Variants in NRXN1 observed in about 807,000 individuals in gnomAD.
NRXN1 encodes the protein neurexin-1.
Under a neutral mutation model 150.9 loss-of-function variants are expected in NRXN1, and 39 were observed. The ratio of observed to expected loss-of-function variants is 0.26; its 90% confidence interval spans 0.20 to 0.34. The LOEUF (loss-of-function observed/expected upper bound fraction) is 0.34. Ranked by LOEUF, NRXN1 falls within the 10% of genes least tolerant of loss-of-function variation. The pLI is 1.00. For synonymous variants in NRXN1, 924 were observed against 757.0 expected, an observed-to-expected ratio of 1.22 and a Z score of -3.62; for missense variants, 1,815 against 1,949.9, an observed-to-expected ratio of 0.93 and a Z score of 1.30.
chr2:50,648,549 G>T (rs2104536695), intron 5 of NRXN1, among the ~76,000 whole-genome samples: 1 of 152,058 alleles, frequency 6.6e-6, no homozygotes, highest in East Asian at 2.0e-4. Flanking sequence ...GACAGAAGTG[G>T]TCAGGACCTC....
At chr2:49,981,922 A>C (rs1427163388) in intron 21 of NRXN1, among the ~76,000 whole-genome samples, 1 of 152,130 alleles carries the variant, frequency 6.6e-6, no homozygotes, top group Admixed American at 6.5e-5. Flanking sequence ...AAAAATGCAA[A>C]GTGTCTGGAC....
intron 17 of NRXN1, among the ~76,000 whole-genome samples, chr2:50,389,292 T>G (rs2081532704): frequency 6.7e-6 from 1 of 149,106 alleles, no homozygotes; most frequent in African/African-American, 2.5e-5. Flanking sequence ...GTATCTAGTA[T>G]CAGTCTTCTT....
chr2:50,801,342 T>G (rs1707560253), intron 5 of NRXN1, among the ~76,000 whole-genome samples: 1 of 152,176 alleles, frequency 6.6e-6, no homozygotes, highest in South Asian at 2.1e-4. Flanking sequence ...CCATAATTTA[T>G]ATCTGATGAT....
intron 2 of NRXN1, among the ~76,000 whole-genome samples, chr2:50,951,823 C>T (rs1456525000): frequency 6.6e-6 from 1 of 150,888 alleles, no homozygotes; most frequent in East Asian, 1.9e-4. Context: ...TTCATATTAC[C>T]ATTATGGAAT....
chr2:50,747,765 T>TTA (rs2105312360), intron 5 of NRXN1, among the ~76,000 whole-genome samples: 1 of 152,256 alleles, frequency 6.6e-6, no homozygotes, highest in East Asian at 1.9e-4. Flanking sequence ...TCTAATTATT[T>TTA]TACACATATT....
chr2:50,153,544 G>A (rs1574202901), intron 18 of NRXN1, among the ~76,000 whole-genome samples: 1 of 151,694 alleles, frequency 6.6e-6, no homozygotes, highest in Non-Finnish European at 1.5e-5. Flanking sequence ...GGCTGTCTTT[G>A]AGCCAGGGAT....
chr2:50,322,641 T>G (rs999008707), intron 17 of NRXN1, among the ~76,000 whole-genome samples: 2 of 152,204 alleles, frequency 1.3e-5, no homozygotes, highest in Non-Finnish European at 2.9e-5. Context: ...ATTCCTTGCC[T>G]TCACCAAGAT....
intron 15 of NRXN1, among the ~76,000 whole-genome samples, chr2:50,479,355 G>C (rs1399933337): frequency 6.6e-6 from 1 of 152,038 alleles, no homozygotes; most frequent in Non-Finnish European, 1.5e-5. Flanking sequence ...CAACTTGGGG[G>C]ACTCAACTCA....
intron 8 of NRXN1, among the ~76,000 whole-genome samples, chr2:50,555,533 G>C (rs1011284356): frequency 6.6e-6 from 1 of 152,220 alleles, no homozygotes; most frequent in Middle Eastern, 3.4e-3. Context: ...ATCTCCACCA[G>C]AATCAATGCT....
intron 21 of NRXN1, among the ~76,000 whole-genome samples, chr2:50,003,991 T>A (rs928731934): frequency 6.6e-6 from 1 of 152,080 alleles, no homozygotes; most frequent in Admixed American, 6.6e-5. Context: ...TTCAAACACA[T>A]TGAAATAAGT....
chr2:50,494,023 G>A (rs1181090635), intron 15 of NRXN1, among the ~76,000 whole-genome samples: 1 of 152,118 alleles, frequency 6.6e-6, no homozygotes, highest in Non-Finnish European at 1.5e-5. Flanking sequence ...ACTTAGGTGT[G>A]TAAGTACCCC....
chr2:51,027,678 C>G lies in NRXN1; in HGVS notation c.596G>C (p.Ser199Thr). 6.2e-7 allele frequency: 1 copy of G among 1,604,218 alleles called. No individual in the cohort carries two copies. Residue 199 changes from serine to threonine, a missense_variant, in exon 2 of 23, where the codon AGC becomes ACC. By Grantham distance (58) the Ser-to-Thr change is moderately conservative. Around this residue, in one of 6 missense-constraint regions of NRXN1, gnomAD observed 554 missense variants for 478.8 expected, o/e 1.16. Coordinates refer to ENST00000401669, the MANE Select transcript of NRXN1 (RefSeq NM_001330078.2). Reference protein sequence around the residue: ...VNSSQVLPVDSGEVKLDDEPP... With the variant: ...VNSSQVLPVDTGEVKLDDEPP... ...CTCATCGTCCAGCTTCACCTCGCCG[C>G]TGTCCACGGGCAGGACCTGCGAGGA... is the stretch of plus-strand genomic sequence containing the variant.
intron 17 of NRXN1, among the ~76,000 whole-genome samples, chr2:50,369,609 T>A (rs1247845109): frequency 6.6e-6 from 1 of 152,044 alleles, no homozygotes; most frequent in Non-Finnish European, 1.5e-5. Flanking sequence ...TTTGTGATGT[T>A]CTTTTTGATT....
chr2:50,168,574 G>T (rs2059826089), intron 18 of NRXN1, among the ~76,000 whole-genome samples: 1 of 152,252 alleles, frequency 6.6e-6, no homozygotes, highest in East Asian at 1.9e-4. Context: ...ATTTTCTTTT[G>T]TTGATAACGA....
intron 2 of NRXN1, among the ~76,000 whole-genome samples, chr2:50,976,938 G>A (rs900746729): frequency 6.6e-6 from 1 of 152,090 alleles, no homozygotes; most frequent in African/African-American, 2.4e-5. Context: ...ATCATCAAAG[G>A]TCAAAGATGC....
chr2:50,969,161 GACGCA>G (rs1694600120), intron 2 of NRXN1, among the ~76,000 whole-genome samples: 1 of 152,108 alleles, frequency 6.6e-6, no homozygotes, highest in South Asian at 2.1e-4. Context: ...CTTGCCGGAT[GACGCA>G]ACTGAAAGTC....
chr2:50,083,947 A>G (rs142056776), intron 19 of NRXN1, among the ~76,000 whole-genome samples: 10,461 of 151,998 alleles, frequency 0.069, 1,213 homozygotes, highest in African/African-American at 0.24. Context: ...AGATTGGTGC[A>G]TTTACAAACC....
intron 17 of NRXN1, among the ~76,000 whole-genome samples, chr2:50,448,743 G>A (rs888838902): frequency 2.0e-5 from 3 of 152,082 alleles, no homozygotes; most frequent in Non-Finnish European, 2.9e-5. Flanking sequence ...GATTATTACC[G>A]TTTCCTTTTG....
At chr2:50,614,819 A>G (rs759259260) in intron 8 of NRXN1, among the ~76,000 whole-genome samples, 2 of 151,528 alleles carry the variant, frequency 1.3e-5, no homozygotes, top group African/African-American at 2.4e-5. Context: ...GAAGCCTTCA[A>G]AACTTTCTAA....
Sources: allele counts gnomAD v4.1 joint callset (sites outside exome capture counted in the v4.1 genomes callset), GRCh38; gene constraint gnomAD v4.1.1; regional missense constraint gnomAD v4.1.1; transcripts MANE v1.5; gene names NCBI Gene and HGNC (gene_info 2026-07-23, HGNC 2026-07-21).